The following USP9Y variants were observed in gnomAD, a reference collection of about 807,000 sequenced individuals.
USP9Y encodes the protein ubiquitin carboxyl-terminal hydrolase 9Y.
Under a neutral mutation model 53.1 loss-of-function variants are expected in USP9Y, and 41 were observed. That is an observed-to-expected ratio of 0.77 (90% CI 0.60 to 1.00). The LOEUF is 1.00. USP9Y is among the 50% of genes least tolerant of loss of function. The pLI is 0.00. For synonymous variants in USP9Y, 220 were observed against 173.7 expected, an observed-to-expected ratio of 1.27 and a Z score of -2.09; for missense variants, 567 against 535.8, an observed-to-expected ratio of 1.06 and a Z score of -0.58.
In USP9Y at chrY:12,758,304, C is replaced by T. The variant is rs536040602; in HGVS notation, c.1630-202C>T. ...TCATGGAACATTAAATTTATAGAAG[C>T]GCCTTACATTTTGGTGTTTTCTTTA... On this transcript the variant is annotated intron_variant, in intron 13 of 45. Coordinates refer to ENST00000338981, the MANE Select transcript of USP9Y (RefSeq NM_004654.4). Among the ~76,000 whole-genome samples the T allele has an allele frequency of 5.7e-4, 19 of 33,570 alleles. No homozygotes were observed. The East Asian group carries it at 8.7e-3, about 15-fold the overall frequency. 90.1% of individuals were successfully genotyped at this position (33,570 alleles called of 37,273 possible). A position where few individuals can be genotyped will look rare whatever the true frequency, so the allele number is the denominator to read the frequency against.
At chrY:12,759,774 A>T in intron 14 of USP9Y, among the ~76,000 whole-genome samples, 2 of 32,973 alleles carry the variant, frequency 6.1e-5, no homozygotes, top group South Asian at 1.4e-3. Flanking sequence ...AAGATGCTTT[A>T]TAGCTTAGAT....
intron 15 of USP9Y, 77 bp from the exon 16 acceptor site, chrY:12,770,991 T>C: frequency 4.6e-6 from 1 of 216,767 alleles, no homozygotes; most frequent in South Asian, 3.8e-5. Context: ...ATTATTAACT[T>C]AATAATTTCT....
chrY:12,736,138 A>G lies in USP9Y; in HGVS notation c.914A>G (p.Asn305Ser). The change falls in exon 9 of 46, where the codon AAT becomes AGT. Residue 305 changes from asparagine (N) to serine (S), a missense_variant. Coordinates refer to ENST00000338981, the MANE Select transcript of USP9Y (RefSeq NM_004654.4). ...AAGGAGGCAAAGAATGAAGCCAAAA[A>G]TGATGCCCTTTCAATGATTATTAAA... Reference protein sequence around the residue: ...LKKEAKNEAKNDALSMIIKSL... With the variant: ...LKKEAKNEAKSDALSMIIKSL... The G allele has an allele frequency of 5.0e-6, 2 of 397,021 alleles. No homozygotes were observed. The highest frequency in any genetic ancestry group is 6.0e-5 in the South Asian group (2 of 33,506).
rs779336501 is a variant in USP9Y, at chrY:12,827,816, C to G, written c.5022-5872C>G. 4.0e-4 allele frequency among the ~76,000 whole-genome samples: 13 copies of G among 32,217 alleles called. No individual in the cohort carries two copies. In the East Asian group the frequency reaches 7.3e-3, roughly 18 times the overall value. 86.4% of individuals were successfully genotyped at this position (32,217 alleles called of 37,273 possible). A position where few individuals can be genotyped will look rare whatever the true frequency, so the allele number is the denominator to read the frequency against. ...ATATCTACAAAAAATAGAAAACTAG[C>G]CAGGTGTGGTGGTGCATGCTTGTAA... On this transcript the variant is annotated intron_variant, in intron 33 of 45. Transcript: ENST00000338981.
At chrY:12,778,341 G>A in intron 20 of USP9Y, 82 bp downstream of exon 20, 1 of 267,610 alleles carries the variant, frequency 3.7e-6, no homozygotes, top group Non-Finnish European at 5.4e-6. Flanking sequence ...TATTATTAAC[G>A]TATTATTTAG....
At chrY:12,728,425 G>A (rs1000218384) in intron 7 of USP9Y, among the ~76,000 whole-genome samples, 4 of 31,411 alleles carry the variant, frequency 1.3e-4, no homozygotes, top group Non-Finnish European at 3.1e-4. Flanking sequence ...TTGGAAGACT[G>A]TGAGGATGAT....
chrY:12,733,282 G>GA (rs2053448712), intron 7 of USP9Y, among the ~76,000 whole-genome samples: 4 of 24,499 alleles, frequency 1.6e-4, no homozygotes, highest in Admixed American at 3.7e-4. Context: ...TCCTTGGACA[G>GA]AAAAAAAAAA....
chrY:12,766,625 A>T (rs2053480133), intron 15 of USP9Y, among the ~76,000 whole-genome samples: 1 of 33,593 alleles, frequency 3.0e-5, no homozygotes, highest in East Asian at 7.9e-4. Context: ...GCCTGACTGC[A>T]TCTACAGTTA....
At chrY:12,767,177 G>A in intron 15 of USP9Y, among the ~76,000 whole-genome samples, 4 of 32,981 alleles carry the variant, frequency 1.2e-4, no homozygotes, top group African/African-American at 3.6e-4. Context: ...AGTCCTGCAC[G>A]CACATGATTA....
intron 18 of USP9Y, 125 bp from the exon 19 acceptor site, chrY:12,776,524 C>A (rs2053492568): frequency 5.9e-6 from 1 of 170,794 alleles, no homozygotes. Context: ...TTGTGTTTTA[C>A]TACTGGGTAA....
intron 5 of USP9Y, among the ~76,000 whole-genome samples, chrY:12,724,069 A>G (rs2148280491): frequency 3.0e-5 from 1 of 33,679 alleles, no homozygotes; most frequent in South Asian, 6.6e-4. Flanking sequence ...AGGGTCTAAC[A>G]CTACAAAATG....
intron 34 of USP9Y, among the ~76,000 whole-genome samples, chrY:12,835,135 A>T: frequency 1.5e-4 from 5 of 33,134 alleles, no homozygotes; most frequent in African/African-American, 5.9e-4. Context: ...TTGCAGCCTC[A>T]ACCTTCCAAG....
At chrY:12,704,586 A>G (rs2053418304) in intron 1 of USP9Y, among the ~76,000 whole-genome samples, 1 of 33,374 alleles carries the variant, frequency 3.0e-5, no homozygotes, top group Non-Finnish European at 7.4e-5. Context: ...TATTCTTTAG[A>G]TGTTTGTGTA....
At chrY:12,737,120 G>A in intron 10 of USP9Y, among the ~76,000 whole-genome samples, 3 of 30,890 alleles carry the variant, frequency 9.7e-5, no homozygotes, top group South Asian at 1.5e-3. Flanking sequence ...GATTACAGGC[G>A]CCTGCAACCA....
intron 7 of USP9Y, among the ~76,000 whole-genome samples, chrY:12,727,188 C>T: frequency 2.9e-5 from 1 of 33,958 alleles, no homozygotes; most frequent in Admixed American, 2.7e-4. Context: ...AGAATGCTTA[C>T]ATATATTTAC....
In USP9Y at chrY:12,760,573, A is replaced by C; in HGVS notation, c.1856A>C (p.Glu619Ala). ...QNHALVTLVAENLATYMNSIR... is the reference protein window; with the variant it reads ...QNHALVTLVAANLATYMNSIR... ...CATGCTTTAGTTACTTTGGTAGCAG[A>C]AAACCTTGCAACCTACATGAATAGC... The change falls in exon 15 of 46, where the codon GAA (glutamate) becomes GCA (alanine). Residue 619 changes from glutamate to alanine, a missense_variant. Glu to Ala is a moderately radical substitution (Grantham distance 107). Coordinates refer to ENST00000338981, the MANE Select transcript of USP9Y (RefSeq NM_004654.4). 2.5e-6 allele frequency: 1 copy of C among 398,388 alleles called. No homozygotes were observed. Among genetic ancestry groups the C allele is most frequent in the Non-Finnish European group, 3.5e-6 (1 of 283,111 alleles).
At chrY:12,841,964 T>C (rs758117556) in intron 37 of USP9Y, among the ~76,000 whole-genome samples, 26 of 33,421 alleles carry the variant, frequency 7.8e-4, no homozygotes, top group African/African-American at 2.9e-3. Flanking sequence ...ATTGCTCACG[T>C]TGAAAGATAT....
intron 26 of USP9Y, 60 bp from the exon 27 acceptor site, chrY:12,792,971 GT>G: frequency 2.8e-6 from 1 of 356,597 alleles, no homozygotes. Context: ...TAACCAGAGG[GT>G]TTGTGAATTT....
intron 24 of USP9Y, among the ~76,000 whole-genome samples, chrY:12,787,419 G>C: frequency 2.7e-4 from 9 of 33,546 alleles, no homozygotes; most frequent in Admixed American, 2.5e-3. Context: ...GATAGTGACT[G>C]GATTATCTGT....
Sources: gnomAD v4.1 joint callset for allele counts (sites outside exome capture counted in the v4.1 genomes callset) on GRCh38, gnomAD v4.1.1 for gene constraint, MANE v1.5 for transcripts, NCBI Gene and HGNC (gene_info 2026-07-23, HGNC 2026-07-21) for gene names.